Variants in THSD7B observed in about 807,000 individuals in gnomAD.
THSD7B encodes thrombospondin type-1 domain-containing protein 7B.
A neutral mutation model predicts 213.6 loss-of-function variants in THSD7B; 138 were observed. The ratio of observed to expected loss-of-function variants is 0.65; its 90% CI spans 0.56 to 0.74. The LOEUF (loss-of-function observed/expected upper bound fraction) is 0.74, where lower values mean the gene tolerates loss of function less well. Ranked by LOEUF, THSD7B falls within the 30% of genes least tolerant of loss-of-function variation. The pLI is 0.00. For synonymous variants in THSD7B, 742 were observed against 687.0 expected (o/e 1.08, Z -1.25); for missense variants, 1,931 against 1,991.5 (o/e 0.97, Z 0.58).
chr2:137,114,267 T>C (rs1009298451), intron 4 of THSD7B, among the ~76,000 whole-genome samples: 1 of 152,252 alleles, frequency 6.6e-6, no homozygotes, highest in Non-Finnish European at 1.5e-5. Flanking sequence ...TCAGTGTTTT[T>C]ACGAATGCCG....
chr2:137,590,770 TTTTTCCCTCTGC>T (rs1296756970), intron 17 of THSD7B, among the ~76,000 whole-genome samples: 1 of 146,982 alleles, frequency 6.8e-6, no homozygotes, highest in Non-Finnish European at 1.5e-5. Flanking sequence ...ACATTTTGCA[TTTTTCCCTCTGC>T]TTTGAAATAG....
At chr2:136,829,186 A>AAT (rs1341220967) in intron 1 of THSD7B, among the ~76,000 whole-genome samples, 2 of 151,506 alleles carry the variant, frequency 1.3e-5, no homozygotes, top group Non-Finnish European at 2.9e-5. Flanking sequence ...TCTTAAAAAA[A>AAT]AAAAAGTCCT....
At chr2:136,869,682 G>A (rs72979551) in intron 1 of THSD7B, among the ~76,000 whole-genome samples, 3,331 of 152,280 alleles carry the variant, frequency 0.022, 135 homozygotes, top group African/African-American at 0.077. Context: ...TTTCCCACAA[G>A]AGTCATAATG....
chr2:137,344,176 C>G (rs1684823954), intron 12 of THSD7B, among the ~76,000 whole-genome samples: 1 of 151,590 alleles, frequency 6.6e-6, no homozygotes, highest in South Asian at 2.1e-4. Flanking sequence ...TGAGGTGGAA[C>G]AGTTTCATCC....
At chr2:137,201,984 T>A (rs970146572) in intron 7 of THSD7B, among the ~76,000 whole-genome samples, 37 of 152,158 alleles carry the variant, frequency 2.4e-4, no homozygotes, top group African/African-American at 8.9e-4. Flanking sequence ...TCCTTGTTAA[T>A]CTCTCAGGGT....
rs1209332647 is a variant in THSD7B at position 137,335,902 on chromosome 2, G to A, written c.2500+59876G>A. On this transcript the variant is annotated intron_variant, in intron 12 of 27. Coordinates refer to ENST00000409968, the MANE Select transcript of THSD7B (RefSeq NM_001316349.2). ...TTTTTTTCTTTTTTAGTTTATAGCA[G>A]CTTATTTTTTCTACTGATTTATTTG... Among the ~76,000 whole-genome samples the A allele has an allele frequency of 2.0e-5, 3 of 151,776 alleles. No individual in the cohort carries two copies. The East Asian group carries it at 5.8e-4, about 29-fold the overall frequency.
intron 13 of THSD7B, among the ~76,000 whole-genome samples, chr2:137,409,397 A>C (rs1273978339): frequency 6.6e-6 from 1 of 152,226 alleles, no homozygotes. Context: ...TAGGGGGTTC[A>C]ACAGAATAAT....
At chr2:137,275,106 G>A (rs540329704) in intron 11 of THSD7B, among the ~76,000 whole-genome samples, 5 of 152,130 alleles carry the variant, frequency 3.3e-5, no homozygotes, top group Admixed American at 3.3e-4. Flanking sequence ...CAGATTTAAG[G>A]ACACAAGTCA....
intron 3 of THSD7B, among the ~76,000 whole-genome samples, chr2:137,093,312 G>C (rs1223166758): frequency 6.6e-6 from 1 of 152,118 alleles, no homozygotes; most frequent in Non-Finnish European, 1.5e-5. Context: ...GGGCTCCTAC[G>C]TTTCCCCAGT....
At chr2:137,654,680 A>G (rs1001899145) in intron 21 of THSD7B, among the ~76,000 whole-genome samples, 1 of 152,092 alleles carries the variant, frequency 6.6e-6, no homozygotes, top group Non-Finnish European at 1.5e-5. Flanking sequence ...TGGCACCAGG[A>G]ACTGTCTTAT....
chr2:137,633,002 T>G (rs1446276289), intron 20 of THSD7B, among the ~76,000 whole-genome samples: 1 of 152,144 alleles, frequency 6.6e-6, no homozygotes, highest in Non-Finnish European at 1.5e-5. Flanking sequence ...TATCTCTGGG[T>G]GTAGAATTAC....
intron 12 of THSD7B, among the ~76,000 whole-genome samples, chr2:137,386,764 G>A (rs1247820984): frequency 2.0e-5 from 3 of 152,104 alleles, no homozygotes; most frequent in African/African-American, 7.2e-5. Context: ...GACTATCCAA[G>A]TTTAGAGGTG....
intron 27 of THSD7B, among the ~76,000 whole-genome samples, chr2:137,674,691 T>G (rs1377613679): frequency 6.6e-6 from 1 of 152,154 alleles, no homozygotes; most frequent in East Asian, 1.9e-4. Flanking sequence ...AGGCTGAAGC[T>G]CCCTCTGGAG....
chr2:137,365,895 A>G (rs1158020426), intron 12 of THSD7B, among the ~76,000 whole-genome samples: 2 of 152,238 alleles, frequency 1.3e-5, no homozygotes, highest in East Asian at 3.8e-4. Flanking sequence ...TACTGGGTAT[A>G]TACCCAAAGG....
intron 5 of THSD7B, among the ~76,000 whole-genome samples, chr2:137,151,740 A>T (rs1392099104): frequency 6.6e-6 from 1 of 152,214 alleles, no homozygotes. Context: ...CTGTACTTTT[A>T]TATGACTAGC....
chr2:137,243,133 T>C (rs553766696), intron 10 of THSD7B, among the ~76,000 whole-genome samples: 12 of 152,330 alleles, frequency 7.9e-5, no homozygotes, highest in Admixed American at 5.2e-4. Context: ...CCAGGATACT[T>C]AACAGCAAAG....
chr2:137,500,937 A>T (rs1404581445), intron 15 of THSD7B, among the ~76,000 whole-genome samples: 9 of 151,690 alleles, frequency 5.9e-5, no homozygotes, highest in Admixed American at 5.3e-4. Context: ...TTTATGTTTC[A>T]TGGTTTTTTT....
intron 1 of THSD7B, among the ~76,000 whole-genome samples, chr2:136,869,413 G>C (rs946807700): frequency 1.3e-5 from 2 of 152,114 alleles, no homozygotes; most frequent in African/African-American, 4.8e-5. Flanking sequence ...CCATTTGTCT[G>C]TAAACTAAAT....
intron 1 of THSD7B, among the ~76,000 whole-genome samples, chr2:136,880,431 A>G (rs868581124): frequency 3.9e-5 from 6 of 152,222 alleles, no homozygotes; most frequent in South Asian, 2.1e-4. Context: ...TTCATAATAC[A>G]TATATTGCGG....
Sources: allele counts gnomAD v4.1 joint callset (sites outside exome capture counted in the v4.1 genomes callset), GRCh38; gene constraint gnomAD v4.1.1; transcripts MANE v1.5; gene names NCBI Gene and HGNC (gene_info 2026-07-23, HGNC 2026-07-21).